SNX9: variants seen among roughly 807,000 people sequenced by gnomAD.
SNX9 encodes sorting nexin-9.
In SNX9, 44 loss-of-function variants were observed where a neutral mutation model predicts 89.4. The ratio of observed to expected loss-of-function variants is 0.49; its 90% confidence interval spans 0.39 to 0.63. SNX9 has a LOEUF of 0.63. SNX9 is among the 30% of genes least tolerant of loss of function. SNX9 has a pLI of 0.00. For synonymous variants in SNX9, 236 were observed against 247.8 expected (o/e 0.95, Z 0.45); for missense variants, 578 against 736.1 (o/e 0.79, Z 2.49).
chr6:157,937,369 A>G (rs1034868231), intron 14 of SNX9, 65 bp from the exon 15 acceptor site: 5 of 1,107,290 alleles, frequency 4.5e-6, no homozygotes, highest in African/African-American at 1.5e-5. Context: ...TGGGTATAAT[A>G]GTTCTCTTTT....
chr6:157,836,772 T>C (rs1334962406), intron 1 of SNX9, among the ~76,000 whole-genome samples: 1 of 152,136 alleles, frequency 6.6e-6, no homozygotes. Flanking sequence ...TTTGTATTTT[T>C]AGTAGAGACG....
In SNX9 at chr6:157,901,821, CAG is replaced by C. The variant is rs150590221; in HGVS notation, c.473-75_473-74del. 8.6e-4 allele frequency: 1,321 copies of C among 1,531,082 alleles called. 14 individuals carry two copies. In the African/African-American group the frequency reaches 0.017, roughly 19 times the overall value. The allele number at this position is 1,531,082 out of a possible 1,614,324, so 94.8% of individuals were successfully genotyped here. On this transcript the variant is annotated intron_variant, in intron 5 of 17. Coordinates refer to ENST00000392185, the MANE Select transcript of SNX9 (RefSeq NM_016224.5). ...GATTTGCCCAGTAGGTAGTTACTGT[CAG>C]AAAATTAAGTAATTTCATTTTTATT...
intron 2 of SNX9, among the ~76,000 whole-genome samples, chr6:157,871,413 T>A (rs1782408211): frequency 6.6e-6 from 1 of 151,984 alleles, no homozygotes; most frequent in Non-Finnish European, 1.5e-5. Context: ...AGAAAAAGAT[T>A]ATGTAGTAAT....
At chr6:157,843,463 A>G (rs1316927595) in intron 1 of SNX9, among the ~76,000 whole-genome samples, 1 of 152,206 alleles carries the variant, frequency 6.6e-6, no homozygotes, top group Middle Eastern at 3.2e-3. Context: ...ATCATAAGGA[A>G]GAGAAAATAT....
At chr6:157,857,397 T>C (rs1304625789) in intron 1 of SNX9, among the ~76,000 whole-genome samples, 1 of 152,214 alleles carries the variant, frequency 6.6e-6, no homozygotes, top group Non-Finnish European at 1.5e-5. Context: ...ATCTGGTTCC[T>C]TTTAATGAAA....
Position 157,932,064 on chromosome 6 carries a change from A to G in SNX9, c.1289-131A>G, listed in dbSNP as rs1583245265. 25 of 699,480 alleles carry G rather than the reference A, an allele frequency of 3.6e-5. No homozygotes were observed. The East Asian group carries it at 6.8e-4, about 19-fold the overall frequency. 43.3% of individuals were successfully genotyped at this position (699,480 alleles called of 1,614,324 possible). A position where few individuals can be genotyped will look rare whatever the true frequency, so the allele number is the denominator to read the frequency against. On this transcript the variant is annotated intron_variant, in intron 12 of 17. Transcript: ENST00000392185. Reference sequence around the variant, plus strand: ...TTGAAAAAACAATCACTTTTGCAACAGTATTTTGTGAAGGAATATATAGAC... The same window carrying G: ...TTGAAAAAACAATCACTTTTGCAACGGTATTTTGTGAAGGAATATATAGAC...
At position 157,875,107 on chromosome 6, in the gene SNX9, A is replaced by G. The variant is rs1450805385; in HGVS notation, c.231A>G (p.Gln77=). The G allele has an allele frequency of 3.7e-6, 6 of 1,613,912 alleles. No homozygotes were observed. The highest frequency in any genetic ancestry group is 3.3e-5 in the Admixed American group (2 of 59,984). Residue 77 remains glutamine (Q), a synonymous_variant, in exon 4 of 18, where the codon CAA becomes CAG. Coordinates refer to ENST00000392185, the MANE Select transcript of SNX9 (RefSeq NM_016224.5). The part of the protein sequence containing the change: ...QFSCGNSVAD[Q]AFLDSLSAST... ...CTTGTGGAAATTCAGTGGCTGACCA[A>G]GCCTTCCTTGATTCTCTCTCAGCCA...
intron 12 of SNX9, among the ~76,000 whole-genome samples, chr6:157,929,200 A>G (rs1783758450): frequency 2.0e-5 from 3 of 152,206 alleles, no homozygotes. Flanking sequence ...TGTCCCTAAG[A>G]ACTTCCTGCC....
chr6:157,826,849 T>TTATATA (rs1554290561), intron 1 of SNX9, among the ~76,000 whole-genome samples: 1 of 44,270 alleles, frequency 2.3e-5, no homozygotes, highest in Non-Finnish European at 3.9e-5. Context: ...TATTATATTT[T>TTATATA]ATATATAAAT....
intron 4 of SNX9, among the ~76,000 whole-genome samples, chr6:157,883,259 G>A (rs536659751): frequency 1.3e-4 from 20 of 152,170 alleles, no homozygotes; most frequent in East Asian, 3.9e-4. Context: ...ACACTTATAC[G>A]GTATAGTGTA....
intron 1 of SNX9, among the ~76,000 whole-genome samples, chr6:157,844,588 T>TTTTTTTG (rs1208518470): frequency 2.6e-4 from 34 of 131,622 alleles, no homozygotes; most frequent in South Asian, 4.7e-4. Context: ...CTAATCCTTG[T>TTTTTTTG]TTTTTTTTTT....
In SNX9 at chr6:157,834,149, G is replaced by GTTTT. The variant is rs1491214417; in HGVS notation, c.12+10703_12+10704insTTTT. Among the ~76,000 whole-genome samples the GTTTT allele has an allele frequency of 5.1e-3, 304 of 59,968 alleles. 15 individuals carry two copies. The highest frequency in any genetic ancestry group is 0.012 in the African/African-American group (180 of 15,022). 39.3% of individuals were successfully genotyped at this position (59,968 alleles called of 152,430 possible). The stretch of plus-strand genomic sequence containing the variant: ...GATCCTGCCATGTGGTGTCCACTGT[G>GTTTT]GTTTTTTTTTTTTTTTTTTTTTTTT... On this transcript the variant is annotated intron_variant, in intron 1 of 17. Transcript: ENST00000392185.
intron 4 of SNX9, among the ~76,000 whole-genome samples, chr6:157,889,430 C>CAAAAAAAA (rs56303673): frequency 3.4e-5 from 2 of 58,504 alleles, no homozygotes; most frequent in Non-Finnish European, 4.0e-5. Context: ...GACCCTGTCT[C>CAAAAAAAA]AAAAAAAAAA....
At chr6:157,840,457 TTCC>T (rs1781682566) in intron 1 of SNX9, among the ~76,000 whole-genome samples, 1 of 151,320 alleles carries the variant, frequency 6.6e-6, no homozygotes, top group Non-Finnish European at 1.5e-5. Flanking sequence ...CTTTCCTTCC[TTCC>T]TTCCTTCTCC....
chr6:157,878,037 G>A (rs927473835), intron 4 of SNX9, among the ~76,000 whole-genome samples: 1 of 152,140 alleles, frequency 6.6e-6, no homozygotes, highest in Non-Finnish European at 1.5e-5. Context: ...GTTCATAAAT[G>A]TATAACCTAC....
chr6:157,844,095 G>A (rs144462942), intron 1 of SNX9, among the ~76,000 whole-genome samples: 3 of 151,934 alleles, frequency 2.0e-5, no homozygotes, highest in East Asian at 1.9e-4. Context: ...GGCTGGTCTC[G>A]AACTCCTGGC....
intron 1 of SNX9, among the ~76,000 whole-genome samples, chr6:157,862,756 T>G (rs1054323184): frequency 6.6e-6 from 1 of 152,196 alleles, no homozygotes; most frequent in Non-Finnish European, 1.5e-5. Context: ...AGTTTTTTGG[T>G]TTTCATTTTT....
chr6:157,870,806 C>T (rs1173254652), intron 2 of SNX9, among the ~76,000 whole-genome samples: 1 of 151,580 alleles, frequency 6.6e-6, no homozygotes, highest in South Asian at 2.1e-4. Flanking sequence ...AGCACACACA[C>T]CCCTCAGACA....
intron 9 of SNX9, among the ~76,000 whole-genome samples, chr6:157,915,640 A>AAAAATATATATATAT (rs1472422303): frequency 6.3e-5 from 6 of 95,148 alleles, no homozygotes; most frequent in African/African-American, 1.9e-4. Context: ...AAAAAAAAAA[A>AAAAATATATATATAT]ATATATATAT....
Sources: allele counts gnomAD v4.1 joint callset (sites outside exome capture counted in the v4.1 genomes callset), GRCh38; gene constraint gnomAD v4.1.1; transcripts MANE v1.5; gene names NCBI Gene and HGNC (gene_info 2026-07-23, HGNC 2026-07-21).